The following MARCHF3 variants were observed in gnomAD, a reference collection of about 807,000 sequenced individuals.
The protein encoded by MARCHF3 is E3 ubiquitin-protein ligase MARCHF3.
In MARCHF3, 13 loss-of-function variants were observed where a neutral mutation model predicts 24.2. That is an observed-to-expected ratio of 0.54 (90% CI 0.35 to 0.85). MARCHF3 has a LOEUF of 0.85. MARCHF3 is among the 40% of genes least tolerant of loss of function. MARCHF3 has a pLI of 0.01. For missense variants in MARCHF3, 276 were observed against 325.0 expected, an observed-to-expected ratio of 0.85 and a Z score of 1.16; for synonymous variants, 144 against 137.3, an observed-to-expected ratio of 1.05 and a Z score of -0.34.
At chr5:126,963,620 C>T (rs1750716433) in intron 1 of MARCHF3, among the ~76,000 whole-genome samples, 1 of 152,092 alleles carries the variant, frequency 6.6e-6, no homozygotes, top group African/African-American at 2.4e-5. Flanking sequence ...AGATACTAAG[C>T]ATTTTTTAGA....
At chr5:126,936,941 TC>T (rs1354117482) in intron 1 of MARCHF3, among the ~76,000 whole-genome samples, 1 of 152,354 alleles carries the variant, frequency 6.6e-6, no homozygotes, top group Non-Finnish European at 1.5e-5. Flanking sequence ...GTAGGAAGAC[TC>T]CTGGGTCAGG....
chr5:127,009,498 CT>C (rs1752414391), intron 1 of MARCHF3, among the ~76,000 whole-genome samples: 1 of 152,118 alleles, frequency 6.6e-6, no homozygotes, highest in African/African-American at 2.4e-5. Context: ...AGAAACGGCT[CT>C]TATAAATGAC....
At chr5:126,886,684 T>C (rs1016836856) in intron 3 of MARCHF3, among the ~76,000 whole-genome samples, 1 of 152,194 alleles carries the variant, frequency 6.6e-6, no homozygotes, top group African/African-American at 2.4e-5. Flanking sequence ...AGCTGCTTAC[T>C]TGATATGTCT....
intron 3 of MARCHF3, among the ~76,000 whole-genome samples, chr5:126,879,591 A>G (rs1459816586): frequency 6.6e-6 from 1 of 152,228 alleles, no homozygotes; most frequent in Admixed American, 6.5e-5. Flanking sequence ...CCATTTGGGT[A>G]CCTGCTTAAT....
intron 3 of MARCHF3, among the ~76,000 whole-genome samples, chr5:126,909,689 C>T (rs1466099702): frequency 2.0e-5 from 3 of 152,144 alleles, no homozygotes; most frequent in Admixed American, 6.5e-5. Flanking sequence ...GTGCCCGCAC[C>T]CACTGACCTG....
chr5:126,914,321 TTGTG>T (rs1461709551), intron 3 of MARCHF3, among the ~76,000 whole-genome samples: 5 of 152,092 alleles, frequency 3.3e-5, no homozygotes, highest in African/African-American at 1.2e-4. Flanking sequence ...TGAAAAAAGT[TTGTG>T]TGTAATTTCC....
chr5:126,896,346 C>A (rs1753911302), intron 3 of MARCHF3, among the ~76,000 whole-genome samples: 1 of 152,082 alleles, frequency 6.6e-6, no homozygotes, highest in African/African-American at 2.4e-5. Flanking sequence ...AAAAGACATT[C>A]TTAAGGGGTA....
chr5:126,945,269 C>T (rs1159045047), intron 1 of MARCHF3, among the ~76,000 whole-genome samples: 1 of 152,192 alleles, frequency 6.6e-6, no homozygotes, highest in African/African-American at 2.4e-5. Context: ...CTCCTCCTTT[C>T]CCCCAGAGAG....
At chr5:127,023,458 T>C (rs918905261) in intron 1 of MARCHF3, among the ~76,000 whole-genome samples, 1 of 152,160 alleles carries the variant, frequency 6.6e-6, no homozygotes, top group Non-Finnish European at 1.5e-5. Context: ...AGGCTGGGCA[T>C]GGTGGCTCAC....
At chr5:126,924,592 T>C (rs556946648) in intron 1 of MARCHF3, among the ~76,000 whole-genome samples, 8 of 152,080 alleles carry the variant, frequency 5.3e-5, no homozygotes, top group Non-Finnish European at 1.2e-4. Flanking sequence ...GACTTAAGAG[T>C]ATCCTGAATG....
chr5:126,952,004 G>A (rs754622838), intron 1 of MARCHF3, among the ~76,000 whole-genome samples: 3 of 151,984 alleles, frequency 2.0e-5, no homozygotes, highest in African/African-American at 4.8e-5. Flanking sequence ...CCACCACCAC[G>A]CCCAGCTAAT....
chr5:126,907,082 A>G (rs1382386480), intron 3 of MARCHF3, among the ~76,000 whole-genome samples: 3 of 151,866 alleles, frequency 2.0e-5, no homozygotes, highest in Admixed American at 6.6e-5. Context: ...CGTACCCAGT[A>G]GTCATTCAGG....
chr5:126,904,596 G>A (rs1442797385), intron 3 of MARCHF3, among the ~76,000 whole-genome samples: 2 of 149,972 alleles, frequency 1.3e-5, no homozygotes, highest in Admixed American at 6.6e-5. Context: ...GTGTTTTTTG[G>A]CTGCATGAAT....
chr5:126,900,859 G>A lies in MARCHF3; in HGVS notation c.393+14071C>T, dbSNP rs138933579. Among the ~76,000 whole-genome samples the A allele has an allele frequency of 3.2e-4, 49 of 151,974 alleles. No individual in the cohort carries two copies. In the East Asian group the frequency reaches 7.5e-3, roughly 23 times the overall value. On this transcript the variant is annotated intron_variant, in intron 3 of 4. Coordinates refer to ENST00000308660, the MANE Select transcript of MARCHF3 (RefSeq NM_178450.5). ...TGGGATTACAGGAGCCTGCCACCACGCCCAGCTAATTTTTGTGTTTTCAGT... is the reference window on the plus strand; with the variant it reads ...TGGGATTACAGGAGCCTGCCACCACACCCAGCTAATTTTTGTGTTTTCAGT...
chr5:126,909,886 G>GA (rs769141801), intron 3 of MARCHF3, among the ~76,000 whole-genome samples: 6 of 151,154 alleles, frequency 4.0e-5, no homozygotes, highest in South Asian at 4.2e-4. Flanking sequence ...AAAAAAGTTT[G>GA]AAAAAAAAAT....
chr5:126,933,524 A>C lies in MARCHF3; in HGVS notation c.-56-15297T>G, dbSNP rs191357944. On this transcript the variant is annotated intron_variant, in intron 1 of 4. Coordinates refer to ENST00000308660, the MANE Select transcript of MARCHF3 (RefSeq NM_178450.5). ...CAGTGGTGCGATCTCGGCTCACTGCAAGCTCCGCCTCCTGGGTTCACGCCA... is the reference window on the plus strand; with the variant it reads ...CAGTGGTGCGATCTCGGCTCACTGCCAGCTCCGCCTCCTGGGTTCACGCCA... 9.1e-4 allele frequency among the ~76,000 whole-genome samples: 137 copies of C among 150,360 alleles called. 3 individuals carry two copies. Among genetic ancestry groups the C allele is most frequent in the African/African-American group, 3.3e-3 (135 of 40,720 alleles).
intron 1 of MARCHF3, among the ~76,000 whole-genome samples, chr5:126,951,033 CA>C: frequency 6.6e-6 from 1 of 152,264 alleles, no homozygotes; most frequent in Middle Eastern, 3.4e-3. Context: ...ACTCCCATTC[CA>C]ATGAGGCTTC....
chr5:126,912,787 C>A (rs764390350), intron 3 of MARCHF3, among the ~76,000 whole-genome samples: 2 of 152,226 alleles, frequency 1.3e-5, no homozygotes, highest in Non-Finnish European at 2.9e-5. Flanking sequence ...AAGTTCATTT[C>A]GCCATGGGAT....
At chr5:126,957,105 T>C (rs1750475058) in intron 1 of MARCHF3, among the ~76,000 whole-genome samples, 1 of 152,188 alleles carries the variant, frequency 6.6e-6, no homozygotes, top group Non-Finnish European at 1.5e-5. Context: ...ATAAACATTT[T>C]AGTAAATATA....
Sources: allele counts gnomAD v4.1 joint callset (sites outside exome capture counted in the v4.1 genomes callset), GRCh38; gene constraint gnomAD v4.1.1; transcripts MANE v1.5; gene names NCBI Gene and HGNC (gene_info 2026-07-23, HGNC 2026-07-21).